COL25A1: variants seen among roughly 807,000 people sequenced by gnomAD.
COL25A1 encodes the protein collagen alpha-1(XXV) chain.
Under a neutral mutation model 128.4 loss-of-function variants are expected in COL25A1, and 103 were observed. The ratio of observed to expected loss-of-function variants is 0.80; its 90% CI spans 0.68 to 0.94. COL25A1 has a LOEUF of 0.94. Among genes scored for constraint, COL25A1 ranks in the 40% least tolerant of loss-of-function variants. The pLI, the probability that COL25A1 is intolerant of heterozygous loss-of-function variation, is 0.00. For synonymous variants in COL25A1, 279 were observed against 277.2 expected (o/e 1.01, Z -0.06); for missense variants, 745 against 840.0 (o/e 0.89, Z 1.40).
chr4:109,019,375 C>CACACAT (rs1338511772), intron 5 of COL25A1, among the ~76,000 whole-genome samples: 1 of 48,890 alleles, frequency 2.0e-5, no homozygotes, highest in Non-Finnish European at 3.4e-5. Flanking sequence ...CACACACACA[C>CACACAT]ATATATATAT....
At chr4:109,250,739 A>C (rs371138059) in intron 3 of COL25A1, among the ~76,000 whole-genome samples, 31 of 152,316 alleles carry the variant, frequency 2.0e-4, no homozygotes, top group African/African-American at 7.2e-4. Flanking sequence ...TTTAAATGTT[A>C]ATCACATCCA....
rs1034680596 is a variant in COL25A1, at chr4:108,937,931, T to G, written c.673-88A>C. ...CATTTTTTCTTCTTTGACTGGGGCA[T>G]GTAAATGTCAAATATATTTCTTCAG... On this transcript the variant is annotated intron_variant, in intron 10 of 37. Transcript: ENST00000399132. The G allele has an allele frequency of 6.1e-6, 6 of 989,904 alleles. No homozygotes were observed. In the African/African-American group the frequency reaches 8.3e-5, roughly 14 times the overall value. 61.3% of individuals were successfully genotyped at this position (989,904 alleles called of 1,614,324 possible). A position where few individuals can be genotyped will look rare whatever the true frequency, so the allele number is the denominator to read the frequency against.
Position 108,913,261 on chromosome 4 carries a change from CTTTTT to C in COL25A1, c.780+4906_780+4910del, listed in dbSNP as rs201929872. Among the ~76,000 whole-genome samples the C allele has an allele frequency of 1.2e-4, 11 of 92,426 alleles. No homozygotes were observed. In the East Asian group the frequency reaches 3.3e-3, roughly 28 times the overall value. 60.6% of individuals were successfully genotyped at this position (92,426 alleles called of 152,430 possible). ...TTTGTGTGGTCTCTGTCTCTAGCTC[CTTTTT>C]TTTTTTTTTTTTTTTTTAAGACGGA... On this transcript the variant is annotated intron_variant, in intron 13 of 37. Coordinates refer to ENST00000399132, the MANE Select transcript of COL25A1 (RefSeq NM_198721.4).
intron 3 of COL25A1, among the ~76,000 whole-genome samples, chr4:109,246,700 T>A (rs983933209): frequency 2.0e-5 from 3 of 152,158 alleles, no homozygotes; most frequent in African/African-American, 4.8e-5. Flanking sequence ...TTCCTGTATA[T>A]GATTCTATTC....
intron 5 of COL25A1, among the ~76,000 whole-genome samples, chr4:109,013,365 A>AAAAATGGATCAGTCAGCTCTCTGT (rs1756854953): frequency 6.7e-6 from 1 of 148,206 alleles, no homozygotes; most frequent in African/African-American, 2.6e-5. Flanking sequence ...GCACCCTGTC[A>AAAAATGGATCAGTCAGCTCTCTGT]AAAATGGACC....
intron 3 of COL25A1, among the ~76,000 whole-genome samples, chr4:109,096,148 AAAT>A (rs1470150435): frequency 1.3e-5 from 2 of 152,194 alleles, no homozygotes; most frequent in Admixed American, 1.3e-4. Flanking sequence ...ATGCATAGCA[AAAT>A]AATGTATTGC....
intron 3 of COL25A1, among the ~76,000 whole-genome samples, chr4:109,159,472 G>A (rs1231891123): frequency 6.6e-6 from 1 of 152,086 alleles, no homozygotes; most frequent in East Asian, 1.9e-4. Flanking sequence ...TGCACCCCAC[G>A]CTTTCCAGCA....
At chr4:108,937,903 A>G in intron 10 of COL25A1, 60 bp from the exon 11 acceptor site, 1 of 1,406,542 alleles carries the variant, frequency 7.1e-7, no homozygotes, top group South Asian at 1.3e-5. Context: ...AAAACCCTTC[A>G]ATCATTTTTT....
chr4:109,120,358 T>TA (rs576183980), intron 3 of COL25A1, among the ~76,000 whole-genome samples: 71 of 152,264 alleles, frequency 4.7e-4, no homozygotes, highest in African/African-American at 1.7e-3. Flanking sequence ...TTGTAGATGA[T>TA]ATGATTGCCT....
At chr4:108,870,650 C>T (rs1738599635) in intron 19 of COL25A1, among the ~76,000 whole-genome samples, 2 of 152,146 alleles carry the variant, frequency 1.3e-5, no homozygotes, top group Admixed American at 1.3e-4. Flanking sequence ...GATTATTCTA[C>T]TTCTAGTAAA....
At chr4:109,039,579 T>G (rs897008024) in intron 5 of COL25A1, among the ~76,000 whole-genome samples, 3 of 152,178 alleles carry the variant, frequency 2.0e-5, no homozygotes, top group African/African-American at 7.2e-5. Flanking sequence ...TCTACTGTCC[T>G]CCCACTGCAC....
intron 3 of COL25A1, among the ~76,000 whole-genome samples, chr4:109,139,407 C>T (rs12152621): frequency 0.5 from 75,848 of 151,922 alleles, 21,702 homozygotes; most frequent in Non-Finnish European, 0.65. Context: ...TTGCCCATGC[C>T]TATGTCCTGA....
Position 108,827,208 on chromosome 4 carries a change from G to C in COL25A1, c.1711-20C>G. 1 of 1,611,566 alleles carries C rather than the reference G, an allele frequency of 6.2e-7. No individual in the cohort carries two copies. Among genetic ancestry groups the C allele is most frequent in the Non-Finnish European group, 8.5e-7 (1 of 1,177,884 alleles). On this transcript the variant is annotated intron_variant, in intron 32 of 37. Transcript: ENST00000399132. ...TTCACCCTAAAATGAAAAGTAGAAA[G>C]TTCAAATCATACACACCCACCTACA...
chr4:109,080,049 T>G (rs1241332705), intron 3 of COL25A1, among the ~76,000 whole-genome samples: 1 of 152,128 alleles, frequency 6.6e-6, no homozygotes, highest in Non-Finnish European at 1.5e-5. Flanking sequence ...CAAACTGTCA[T>G]CACCAAATTG....
chr4:109,264,781 C>T (rs1164028766), intron 3 of COL25A1, among the ~76,000 whole-genome samples: 1 of 152,156 alleles, frequency 6.6e-6, no homozygotes, highest in African/African-American at 2.4e-5. Flanking sequence ...ATATCATTGG[C>T]ACTCCCTGGT....
intron 3 of COL25A1, among the ~76,000 whole-genome samples, chr4:109,175,678 G>C (rs545106247): frequency 6.6e-6 from 1 of 151,974 alleles, no homozygotes; most frequent in Non-Finnish European, 1.5e-5. Flanking sequence ...ATTGTTCAGC[G>C]AATAAAATAT....
Position 108,884,235 on chromosome 4 carries a change from A to G in COL25A1, c.976-13T>C. 1.2e-6 allele frequency: 2 copies of G among 1,611,018 alleles called. No individual in the cohort carries two copies. Among genetic ancestry groups the G allele is most frequent in the Non-Finnish European group, 1.7e-6 (2 of 1,177,410 alleles). On this transcript the variant is annotated splice_polypyrimidine_tract_variant and intron_variant, in intron 18 of 37. Transcript: ENST00000399132. Reference sequence around the variant, plus strand: ...GCCCTGGTTCACCCTACACAGGAAAATCATATAGCATTATAGAATGATATT... The same window carrying G: ...GCCCTGGTTCACCCTACACAGGAAAGTCATATAGCATTATAGAATGATATT...
chr4:108,948,979 T>C (rs958601726), intron 8 of COL25A1, among the ~76,000 whole-genome samples: 2 of 152,162 alleles, frequency 1.3e-5, no homozygotes, highest in African/African-American at 4.8e-5. Flanking sequence ...GGCCTTGTTG[T>C]AAAGTGTTCC....
chr4:109,107,425 A>G (rs539732747), intron 3 of COL25A1, among the ~76,000 whole-genome samples: 1 of 152,322 alleles, frequency 6.6e-6, no homozygotes, highest in African/African-American at 2.4e-5. Context: ...ACAATTTAGG[A>G]GTAATATGTA....
Sources: gnomAD v4.1 joint callset for allele counts (sites outside exome capture counted in the v4.1 genomes callset) on GRCh38, gnomAD v4.1.1 for gene constraint, MANE v1.5 for transcripts, NCBI Gene and HGNC (gene_info 2026-07-23, HGNC 2026-07-21) for gene names.